GRB14: variants seen among roughly 807,000 people sequenced by gnomAD.
GRB14 encodes the protein growth factor receptor-bound protein 14.
In GRB14, 38 loss-of-function variants were observed where a neutral mutation model predicts 69.1. The observed-to-expected ratio is 0.55, with a 90% CI of 0.42 to 0.72. The LOEUF is 0.72. Ranked by LOEUF, GRB14 falls within the 30% of genes least tolerant of loss-of-function variation. GRB14 has a pLI of 0.00. For missense variants in GRB14, 666 were observed against 666.1 expected, an observed-to-expected ratio of 1.00 and a Z score of 0.00; for synonymous variants, 247 against 241.3, an observed-to-expected ratio of 1.02 and a Z score of -0.22.
chr2:164,591,011 T>C (rs1357679609), intron 2 of GRB14, among the ~76,000 whole-genome samples: 5 of 152,240 alleles, frequency 3.3e-5, no homozygotes, highest in Non-Finnish European at 7.3e-5. Context: ...CTAATGAATG[T>C]CTGTTAGCAC....
chr2:164,510,367 G>A (rs995012140), intron 6 of GRB14, among the ~76,000 whole-genome samples: 3 of 152,214 alleles, frequency 2.0e-5, no homozygotes, highest in Non-Finnish European at 2.9e-5. Context: ...CAAAATCTAA[G>A]TATGTGTACA....
At chr2:164,518,713 A>G (rs1687555681) in intron 6 of GRB14, among the ~76,000 whole-genome samples, 1 of 152,142 alleles carries the variant, frequency 6.6e-6, no homozygotes, top group South Asian at 2.1e-4. Flanking sequence ...AGAGAAATAC[A>G]AAAGATCATT....
chr2:164,524,318 T>A (rs1373747534), intron 5 of GRB14, among the ~76,000 whole-genome samples: 2 of 152,056 alleles, frequency 1.3e-5, no homozygotes, highest in Non-Finnish European at 2.9e-5. Context: ...ATGTAAAATC[T>A]ACAAATCTAT....
intron 2 of GRB14, among the ~76,000 whole-genome samples, chr2:164,583,178 C>G (rs1689455262): frequency 6.6e-6 from 1 of 152,188 alleles, no homozygotes; most frequent in South Asian, 2.1e-4. Flanking sequence ...CACTAAATAT[C>G]ACTGTTCTCC....
chr2:164,519,129 A>T (rs905850011), intron 6 of GRB14, among the ~76,000 whole-genome samples: 1 of 152,176 alleles, frequency 6.6e-6, no homozygotes, highest in Non-Finnish European at 1.5e-5. Context: ...TTAACAAAAT[A>T]CTAGCCAACC....
intron 2 of GRB14, among the ~76,000 whole-genome samples, chr2:164,552,856 C>G (rs897849244): frequency 1.3e-5 from 2 of 152,162 alleles, no homozygotes; most frequent in Non-Finnish European, 1.5e-5. Flanking sequence ...ACTGCCTGGA[C>G]TAAACACTCG....
chr2:164,533,292 G>A (rs1421931907), intron 3 of GRB14, among the ~76,000 whole-genome samples: 1 of 142,364 alleles, frequency 7.0e-6, no homozygotes, highest in African/African-American at 2.6e-5. Flanking sequence ...GAGTGCAGTG[G>A]CGCAATCTCG....
intron 3 of GRB14, among the ~76,000 whole-genome samples, chr2:164,543,900 T>A (rs1007303182): frequency 2.6e-5 from 4 of 152,188 alleles, no homozygotes; most frequent in African/African-American, 9.7e-5. Context: ...TGACAGTACC[T>A]CAATAGTGAT....
At chr2:164,616,232 G>A (rs1690289416) in intron 2 of GRB14, among the ~76,000 whole-genome samples, 2 of 151,882 alleles carry the variant, frequency 1.3e-5, no homozygotes, top group Non-Finnish European at 2.9e-5. Flanking sequence ...AGATCATCCT[G>A]GCTAACACGG....
At chr2:164,561,381 A>G (rs1441609819) in intron 2 of GRB14, among the ~76,000 whole-genome samples, 3 of 152,210 alleles carry the variant, frequency 2.0e-5, no homozygotes, top group Non-Finnish European at 4.4e-5. Flanking sequence ...GCATTTCTGA[A>G]TAAGTCCCAA....
In GRB14 at chr2:164,540,719, A is replaced by G. The variant is rs78824590; in HGVS notation, c.481+6941T>C. On this transcript the variant is annotated intron_variant, in intron 3 of 13. Coordinates refer to ENST00000263915, the MANE Select transcript of GRB14 (RefSeq NM_004490.3). Reference sequence around the variant, plus strand: ...GCTTATCATCCTCTACGGGATAACAAATATTAGGCCTTGTTTCCTGTCTCT... The same window carrying G: ...GCTTATCATCCTCTACGGGATAACAGATATTAGGCCTTGTTTCCTGTCTCT... Among the ~76,000 whole-genome samples, 208 of 152,288 alleles carry G rather than the reference A, an allele frequency of 1.4e-3. 7 individuals are homozygous for G. In the East Asian group the frequency reaches 0.033, roughly 24 times the overall value.
chr2:164,497,559 TG>T (rs1276985743), intron 9 of GRB14, 69 bp from the exon 10 acceptor site: 15 of 1,046,428 alleles, frequency 1.4e-5, no homozygotes, highest in Admixed American at 2.1e-5. Context: ...AAATTGAAAG[TG>T]TTTTTCAATT....
At chr2:164,529,805 T>C (rs1479599319) in intron 3 of GRB14, among the ~76,000 whole-genome samples, 2 of 152,230 alleles carry the variant, frequency 1.3e-5, no homozygotes, top group Non-Finnish European at 2.9e-5. Flanking sequence ...TGTATGAATG[T>C]GAACCCTGCC....
At chr2:164,540,764 C>T (rs1381230139) in intron 3 of GRB14, among the ~76,000 whole-genome samples, 2 of 152,160 alleles carry the variant, frequency 1.3e-5, no homozygotes, top group Non-Finnish European at 2.9e-5. Context: ...AAAATGCAAA[C>T]TCACAAGGGC....
chr2:164,573,618 A>G, intron 2 of GRB14: 2 of 1,363,526 alleles, frequency 1.5e-6, no homozygotes, highest in Non-Finnish European at 2.0e-6. Flanking sequence ...TTATTATTTC[A>G]TCTTTCTTTA....
rs767802884 is a variant in GRB14 at position 164,547,649 on chromosome 2, C to T, written c.481+11G>A. 3.7e-6 allele frequency: 6 copies of T among 1,606,436 alleles called. No individual in the cohort carries two copies. The highest frequency in any genetic ancestry group is 2.2e-5 in the East Asian group (1 of 44,732). ...AAGCAATGATGTGAGACAATAACTCCGTATCCTTACCTACACCTATGTGAG... is the reference window on the plus strand; with the variant it reads ...AAGCAATGATGTGAGACAATAACTCTGTATCCTTACCTACACCTATGTGAG... On this transcript the variant is annotated intron_variant, in intron 3 of 13. Coordinates refer to ENST00000263915, the MANE Select transcript of GRB14 (RefSeq NM_004490.3).
intron 2 of GRB14, among the ~76,000 whole-genome samples, chr2:164,584,344 C>A (rs906162023): frequency 2.6e-5 from 4 of 151,366 alleles, no homozygotes; most frequent in Non-Finnish European, 5.9e-5. Context: ...ATAGTTTAAC[C>A]CAATTTCAAT....
chr2:164,558,477 A>C (rs1688738042), intron 2 of GRB14, among the ~76,000 whole-genome samples: 1 of 152,210 alleles, frequency 6.6e-6, no homozygotes, highest in Non-Finnish European at 1.5e-5. Context: ...TGAATAATAA[A>C]GAGGTTCAAA....
At chr2:164,590,789 T>C (rs1689643516) in intron 2 of GRB14, among the ~76,000 whole-genome samples, 1 of 152,246 alleles carries the variant, frequency 6.6e-6, no homozygotes, top group African/African-American at 2.4e-5. Context: ...ATTTTCTTCA[T>C]TATTTGAATA....
Sources: gnomAD v4.1 joint callset for allele counts (sites outside exome capture counted in the v4.1 genomes callset) on GRCh38, gnomAD v4.1.1 for gene constraint, MANE v1.5 for transcripts, NCBI Gene and HGNC (gene_info 2026-07-23, HGNC 2026-07-21) for gene names.